The following SCEL variants were observed in gnomAD, a reference collection of about 807,000 sequenced individuals.
SCEL encodes the protein sciellin.
Under a neutral mutation model 117.6 loss-of-function variants are expected in SCEL, and 113 were observed. The ratio of observed to expected loss-of-function variants is 0.96; its 90% CI spans 0.83 to 1.12. The LOEUF is 1.12. SCEL is among the 50% of genes most tolerant of loss of function. SCEL has a pLI of 0.00. For synonymous variants in SCEL, 270 were observed against 256.2 expected, an observed-to-expected ratio of 1.05 and a Z score of -0.51; for missense variants, 785 against 810.8, an observed-to-expected ratio of 0.97 and a Z score of 0.39.
rs1012602898 is a variant in SCEL, at chr13:77,556,733, G to A, written c.161+20G>A. On this transcript the variant is annotated intron_variant, in intron 3 of 32. Coordinates refer to ENST00000349847, the MANE Select transcript of SCEL (RefSeq NM_144777.3). ...AGAAAAGTAAGCTGGTGTGGAGCGT[G>A]GTGGGTGGACAGAAGGGCAGAGAGA... is the stretch of plus-strand genomic sequence containing the variant. The A allele has an allele frequency of 6.5e-7, 1 of 1,537,824 alleles. No individual in the cohort carries two copies. The highest frequency in any genetic ancestry group is 1.7e-4 in the Middle Eastern group (1 of 5,880).
rs1326133796 is a variant in SCEL at position 77,634,536 on chromosome 13, G to A, written c.1763+86G>A. ...TAATAAGAGATGCTATTGTTTTAGA[G>A]TGTGCTTCTTTCAAATAGAAGACCG... On this transcript the variant is annotated intron_variant, in intron 29 of 32. Coordinates refer to ENST00000349847, the MANE Select transcript of SCEL (RefSeq NM_144777.3). 4.3e-6 allele frequency: 4 copies of A among 927,468 alleles called. 1 individual carries two copies. Among genetic ancestry groups the A allele is most frequent in the Non-Finnish European group, 5.0e-6 (3 of 596,370 alleles). The allele number at this position is 927,468 out of a possible 1,614,324, so 57.5% of individuals were successfully genotyped here.
At position 77,597,939 on chromosome 13, in the gene SCEL, T is replaced by G. The variant is rs117150861; in HGVS notation, c.797+350T>G. On this transcript the variant is annotated intron_variant, in intron 13 of 32. Coordinates refer to ENST00000349847, the MANE Select transcript of SCEL (RefSeq NM_144777.3). ...AGTTTAACCATTACAAAAAACATTT[T>G]ATTATCATAGTTAATGTTATATTGT... Among the ~76,000 whole-genome samples the G allele has an allele frequency of 1.3e-5, 2 of 152,008 alleles. 1 individual carries two copies. The highest frequency in any genetic ancestry group is 4.8e-5 in the African/African-American group (2 of 41,252).
At chr13:77,586,318 C>T (rs149712500) in intron 9 of SCEL, among the ~76,000 whole-genome samples, 108 of 152,292 alleles carry the variant, frequency 7.1e-4, no homozygotes, top group African/African-American at 2.5e-3. Context: ...TACAAAATTA[C>T]AAGACTTCTA....
chr13:77,569,181 T>G (rs2085455146), intron 7 of SCEL, among the ~76,000 whole-genome samples, 190 bp from the exon 8 acceptor site: 1 of 152,228 alleles, frequency 6.6e-6, no homozygotes, highest in South Asian at 2.1e-4. Context: ...GCTAGTTCTA[T>G]GAGAACCTGA....
At chr13:77,633,013 T>C (rs1416927296) in intron 28 of SCEL, among the ~76,000 whole-genome samples, 1 of 152,238 alleles carries the variant, frequency 6.6e-6, no homozygotes, top group East Asian at 1.9e-4. Context: ...ATGATTTCTG[T>C]CCTTGATAAA....
intron 30 of SCEL, among the ~76,000 whole-genome samples, chr13:77,639,670 AATG>A (rs1308918909): frequency 6.6e-6 from 1 of 152,180 alleles, no homozygotes; most frequent in Non-Finnish European, 1.5e-5. Context: ...TTTTTAATAA[AATG>A]ATGATAAAAA....
chr13:77,595,222 A>T (rs17068041), intron 12 of SCEL, among the ~76,000 whole-genome samples: 1 of 152,118 alleles, frequency 6.6e-6, no homozygotes, highest in African/African-American at 2.4e-5. Context: ...CATTTATCAC[A>T]GAGAGAAGTT....
rs763571853 is a variant in SCEL at position 77,602,143 on chromosome 13, T to C, written c.977+19T>C. On this transcript the variant is annotated intron_variant, in intron 16 of 32. Transcript: ENST00000349847. ...AGAAAGGGTAAGTCAATCTCCTACC[T>C]TGATGGAGCTCTTTTTATTCAGGTT... 6.3e-7 allele frequency: 1 copy of C among 1,592,584 alleles called. No individual in the cohort carries two copies. Among genetic ancestry groups the C allele is most frequent in the South Asian group, 1.1e-5 (1 of 88,338 alleles).
intron 31 of SCEL, among the ~76,000 whole-genome samples, chr13:77,641,932 A>G (rs2090575541): frequency 6.6e-6 from 1 of 152,162 alleles, no homozygotes; most frequent in Non-Finnish European, 1.5e-5. Context: ...TAGTTATGAG[A>G]ACAAAGTTTT....
intron 1 of SCEL, among the ~76,000 whole-genome samples, chr13:77,542,025 G>T (rs952028727): frequency 2.0e-5 from 3 of 152,154 alleles, no homozygotes; most frequent in Admixed American, 2.0e-4. Flanking sequence ...TTTTATTAAT[G>T]AATATTAGAC....
intron 9 of SCEL, among the ~76,000 whole-genome samples, chr13:77,586,054 G>A (rs916054819): frequency 5.9e-5 from 9 of 152,076 alleles, no homozygotes; most frequent in Non-Finnish European, 1.3e-4. Flanking sequence ...CCATGCCCTT[G>A]TGAGCTTCTC....
intron 4 of SCEL, among the ~76,000 whole-genome samples, chr13:77,561,632 A>G (rs895817715): frequency 3.6e-4 from 55 of 152,380 alleles, no homozygotes; most frequent in African/African-American, 1.3e-3. Flanking sequence ...GGTGCCAGGA[A>G]TACAAAGATG....
chr13:77,629,094 C>T (rs1478286941), intron 28 of SCEL, among the ~76,000 whole-genome samples: 1 of 152,086 alleles, frequency 6.6e-6, no homozygotes, highest in African/African-American at 2.4e-5. Flanking sequence ...GAGAAGCATT[C>T]CAGTTCCATT....
chr13:77,566,363 G>T (rs1022916326), intron 5 of SCEL, among the ~76,000 whole-genome samples: 1 of 151,940 alleles, frequency 6.6e-6, no homozygotes, highest in Non-Finnish European at 1.5e-5. Flanking sequence ...CTAGAGAGTA[G>T]AAAAAACATA....
rs536370223 is a variant in SCEL at position 77,611,708 on chromosome 13, T to A, written c.1338-1183T>A. On this transcript the variant is annotated intron_variant, in intron 22 of 32. Coordinates refer to ENST00000349847, the MANE Select transcript of SCEL (RefSeq NM_144777.3). ...TTTTTTACTTCAGAGAACCTTTTGC[T>A]AGCTGTGTAGTCTTGGACAAATTGC... Among the ~76,000 whole-genome samples, 45 of 152,338 alleles carry A rather than the reference T, an allele frequency of 3.0e-4. No individual in the cohort carries two copies. The East Asian group carries it at 8.5e-3, about 29-fold the overall frequency.
At chr13:77,565,578 T>C (rs1030010484) in intron 5 of SCEL, among the ~76,000 whole-genome samples, 2 of 152,240 alleles carry the variant, frequency 1.3e-5, no homozygotes, top group East Asian at 1.9e-4. Flanking sequence ...TAGCAGGAGC[T>C]GAACTTCTGT....
At chr13:77,558,421 C>T (rs17067899) in intron 3 of SCEL, among the ~76,000 whole-genome samples, 17,560 of 152,128 alleles carry the variant, frequency 0.12, 1,115 homozygotes, top group Non-Finnish European at 0.15. Flanking sequence ...AAAGTTCTCT[C>T]GGGGTCTTTG....
Position 77,602,667 on chromosome 13 carries a change from G to T in SCEL, c.991G>T (p.Glu331Ter). The change falls in exon 17 of 33, where the codon GAA (glutamate) becomes TAA (stop). Residue 331 changes from glutamate to a stop codon, truncating the protein, a stop_gained. Transcript: ENST00000349847. LOFTEE classifies it high-confidence loss of function. ...DKNEKGRQNL[E>*]SVAKVNARMN... ...TTTTTTCCAAAGAAGACAAAATCTC[G>T]AATCTGTTGCTAAAGTGAATGCCAG... is the stretch of plus-strand genomic sequence containing the variant. 2 of 1,613,566 alleles carry T rather than the reference G, an allele frequency of 1.2e-6. No individual in the cohort carries two copies. Among genetic ancestry groups the T allele is most frequent in the Non-Finnish European group, 8.5e-7 (1 of 1,179,696 alleles).
chr13:77,560,799 C>T (rs1056201741), intron 4 of SCEL, among the ~76,000 whole-genome samples: 8 of 152,118 alleles, frequency 5.3e-5, no homozygotes, highest in African/African-American at 1.9e-4. Flanking sequence ...TTTATCTGGT[C>T]TAGTAGCTTG....
Sources: allele counts gnomAD v4.1 joint callset (sites outside exome capture counted in the v4.1 genomes callset), GRCh38; gene constraint gnomAD v4.1.1; transcripts MANE v1.5; gene names NCBI Gene and HGNC (gene_info 2026-07-23, HGNC 2026-07-21).